The following FMN1 variants were observed in gnomAD, a reference collection of about 807,000 sequenced individuals.
The protein encoded by FMN1 is formin 1, also known as formin-1.
FMN1 carries 110 observed loss-of-function variants against 132.4 expected under a neutral mutation model. The observed-to-expected ratio is 0.83, with a 90% CI of 0.71 to 0.97. FMN1 has a LOEUF of 0.97. Ranked by LOEUF, FMN1 falls within the 50% of genes least tolerant of loss-of-function variation. The pLI, the probability that FMN1 is intolerant of heterozygous loss-of-function variation, is 0.00. For synonymous variants in FMN1, 722 were observed against 651.7 expected, an observed-to-expected ratio of 1.11 and a Z score of -1.64; for missense variants, 1,792 against 1,705.3, an observed-to-expected ratio of 1.05 and a Z score of -0.90.
chr15:32,995,513 A>T (rs1484091106), intron 7 of FMN1, among the ~76,000 whole-genome samples: 1 of 152,232 alleles, frequency 6.6e-6, no homozygotes, highest in Non-Finnish European at 1.5e-5. Context: ...TATGAGGATT[A>T]AATAAAATAA....
chr15:32,832,647 G>C (rs1293996583), intron 17 of FMN1, among the ~76,000 whole-genome samples: 1 of 152,100 alleles, frequency 6.6e-6, no homozygotes, highest in African/African-American at 2.4e-5. Context: ...ACATGGTGGT[G>C]AGTGCCTGTA....
At chr15:32,821,170 T>C (rs955783452) in intron 17 of FMN1, among the ~76,000 whole-genome samples, 2 of 151,754 alleles carry the variant, frequency 1.3e-5, no homozygotes, top group East Asian at 2.0e-4. Context: ...ATCCAAATAA[T>C]GGCAGATTGT....
intron 6 of FMN1, among the ~76,000 whole-genome samples, chr15:33,057,005 A>G (rs2037246754): frequency 1.3e-5 from 2 of 152,130 alleles, no homozygotes; most frequent in South Asian, 4.2e-4. Flanking sequence ...GCAAAACCCC[A>G]TCTCTACTAG....
At position 32,944,402 on chromosome 15, in the gene FMN1, C is replaced by T. The variant is rs1313325533; in HGVS notation, c.3139-18141G>A. On this transcript the variant is annotated intron_variant, in intron 9 of 20. Transcript: ENST00000616417. ...GCCTGGTAGGCCTCTGGGAAGAAGC[C>T]TCTGTCAACTGGCCTGATAATGACA... Among the ~76,000 whole-genome samples the T allele has an allele frequency of 3.3e-5, 5 of 152,328 alleles. No homozygotes were observed. The East Asian group carries it at 9.7e-4, about 29-fold the overall frequency.
At chr15:33,127,559 T>C (rs150601099) in intron 4 of FMN1, among the ~76,000 whole-genome samples, 14 of 152,328 alleles carry the variant, frequency 9.2e-5, no homozygotes, top group Admixed American at 8.5e-4. Context: ...AGTGAACCTT[T>C]TAAAACAGAA....
chr15:33,127,098 G>A (rs1262054928), intron 4 of FMN1, among the ~76,000 whole-genome samples: 1 of 152,166 alleles, frequency 6.6e-6, no homozygotes, highest in East Asian at 1.9e-4. Flanking sequence ...AGCTGGTTGG[G>A]GGAGTGATGA....
intron 5 of FMN1, among the ~76,000 whole-genome samples, chr15:33,068,685 T>G (rs1375903673): frequency 6.6e-6 from 1 of 152,152 alleles, no homozygotes; most frequent in Non-Finnish European, 1.5e-5. Context: ...AATGCAGATT[T>G]TAGCTCCTAA....
chr15:33,094,265 T>C (rs556176141), intron 4 of FMN1, among the ~76,000 whole-genome samples: 30 of 152,288 alleles, frequency 2.0e-4, no homozygotes, highest in African/African-American at 7.0e-4. Flanking sequence ...GATATTGAAC[T>C]AGGCTCACAA....
At chr15:32,916,555 T>C (rs949102484) in intron 10 of FMN1, among the ~76,000 whole-genome samples, 17 of 152,054 alleles carry the variant, frequency 1.1e-4, no homozygotes, top group African/African-American at 2.9e-4. Context: ...CACAGGTAGG[T>C]AGGGTTGGGT....
At chr15:33,063,376 C>G (rs1375549002) in intron 6 of FMN1, 2 of 152,374 alleles carry the variant, frequency 1.3e-5, no homozygotes, top group Non-Finnish European at 2.9e-5. Flanking sequence ...GCAGCTGCCT[C>G]CACACCACTC....
chr15:32,940,190 C>G (rs935660838), intron 9 of FMN1, among the ~76,000 whole-genome samples: 9 of 152,072 alleles, frequency 5.9e-5, no homozygotes, highest in Non-Finnish European at 1.3e-4. Flanking sequence ...CATGAATGAC[C>G]TCTTGGCCAG....
intron 3 of FMN1, among the ~76,000 whole-genome samples, chr15:33,161,366 TCC>T (rs551532428): frequency 1.9e-3 from 296 of 152,256 alleles, no homozygotes; most frequent in Non-Finnish European, 3.2e-3. Flanking sequence ...GGGACCTTTA[TCC>T]CCTGACTCCC....
intron 4 of FMN1, among the ~76,000 whole-genome samples, chr15:33,100,256 A>C (rs904722742): frequency 2.0e-5 from 3 of 152,104 alleles, no homozygotes; most frequent in Non-Finnish European, 4.4e-5. Flanking sequence ...AGGAAATATA[A>C]AACTGCACAT....
intron 6 of FMN1, among the ~76,000 whole-genome samples, chr15:33,018,901 C>A (rs577801742): frequency 6.6e-6 from 1 of 152,272 alleles, no homozygotes; most frequent in South Asian, 2.1e-4. Context: ...TTCGTAGTCT[C>A]ACTGGCTCAG....
At chr15:32,934,461 A>T (rs1318213645) in intron 9 of FMN1, among the ~76,000 whole-genome samples, 1 of 152,060 alleles carries the variant, frequency 6.6e-6, no homozygotes, top group African/African-American at 2.4e-5. Flanking sequence ...TTGTGTTGCT[A>T]TGTCATGCCC....
intron 5 of FMN1, among the ~76,000 whole-genome samples, chr15:33,080,887 C>CA (rs34365750): frequency 0.073 from 8,747 of 119,526 alleles, 830 homozygotes; most frequent in African/African-American, 0.23. Flanking sequence ...AACTCCGTCT[C>CA]AAAAAAAAAA....
At chr15:32,802,895 G>A (rs1053606526) in intron 18 of FMN1, among the ~76,000 whole-genome samples, 2 of 152,130 alleles carry the variant, frequency 1.3e-5, no homozygotes, top group African/African-American at 4.8e-5. Flanking sequence ...ACATAGCCAT[G>A]GAATTATCTC....
chr15:32,891,716 G>A (rs572639193), intron 15 of FMN1, among the ~76,000 whole-genome samples: 4 of 152,004 alleles, frequency 2.6e-5, no homozygotes, highest in East Asian at 1.9e-4. Flanking sequence ...TGTTGTCTAC[G>A]GTTTCTTTCA....
intron 6 of FMN1, among the ~76,000 whole-genome samples, chr15:33,048,638 A>AAAAAAAAAAAAAAAAAAAAAAAC: frequency 9.3e-5 from 2 of 21,556 alleles, no homozygotes; most frequent in South Asian, 9.6e-4. Context: ...TACCAAAAAA[A>AAAAAAAAAAAAAAAAAAAAAAAC]AAAAAAAAAA....
Sources: gnomAD v4.1 joint callset for allele counts (sites outside exome capture counted in the v4.1 genomes callset) on GRCh38, gnomAD v4.1.1 for gene constraint, MANE v1.5 for transcripts, NCBI Gene and HGNC (gene_info 2026-07-23, HGNC 2026-07-21) for gene names.